The following CELF2 variants were observed in gnomAD, a reference collection of about 807,000 sequenced individuals.
CELF2 encodes the protein CUGBP Elav-like family member 2.
CELF2 carries 8 observed loss-of-function variants against 62.6 expected under a neutral mutation model. That is an observed-to-expected ratio of 0.13 (90% CI 0.07 to 0.23). The LOEUF is 0.23. CELF2 is among the 10% of genes least tolerant of loss of function. The pLI, the probability that CELF2 is intolerant of heterozygous loss-of-function variation, is 1.00. For missense variants in CELF2, 333 were observed against 671.0 expected (o/e 0.50, Z 5.56); for synonymous variants, 258 against 250.0 (o/e 1.03, Z -0.30).
intron 1 of CELF2, among the ~76,000 whole-genome samples, chr10:10,899,823 C>G (rs922133848): frequency 1.5e-4 from 23 of 152,278 alleles, no homozygotes; most frequent in Non-Finnish European, 4.4e-5. Flanking sequence ...CTCACAATAA[C>G]TCACTCACTA....
Position 10,928,960 on chromosome 10 carries a change from G to A in CELF2, c.89+8961G>A, listed in dbSNP as rs1225438781. Among the ~76,000 whole-genome samples the A allele has an allele frequency of 2.0e-5, 3 of 152,302 alleles. No individual in the cohort carries two copies. Among genetic ancestry groups the A allele is most frequent in the East Asian group, 1.9e-4 (1 of 5,184 alleles). On this transcript the variant is annotated intron_variant, in intron 2 of 13. Coordinates refer to the CELF2 transcript ENST00000636488. This position sits in a 1 kb window ranked among gnomAD's most constrained non-coding sequence, Gnocchi z 4.8. The stretch of plus-strand genomic sequence containing the variant: ...AAATGAATTAATAAGTGTTTGAATG[G>A]ATTAATAAATGTTTAAATCAATGAA...
intron 1 of CELF2, among the ~76,000 whole-genome samples, chr10:11,120,968 G>A (rs911190766): frequency 1.3e-5 from 2 of 152,266 alleles, no homozygotes; most frequent in East Asian, 1.9e-4. Context: ...ATTTGCAGAC[G>A]TGCCAAGAGC....
At chr10:10,866,649 C>T (rs1017333035) in intron 1 of CELF2, among the ~76,000 whole-genome samples, 1 of 145,260 alleles carries the variant, frequency 6.9e-6, no homozygotes, top group Non-Finnish European at 1.5e-5. Flanking sequence ...AATCAGGTTT[C>T]GTGCAGCTAA....
the CELF2 span, among the ~76,000 whole-genome samples, chr10:10,564,684 A>ACACATG: frequency 1.9e-5 from 2 of 105,614 alleles, no homozygotes; most frequent in African/African-American, 9.1e-5. Flanking sequence ...GCACACACGC[A>ACACATG]CACACACACA....
the CELF2 span, among the ~76,000 whole-genome samples, chr10:10,650,878 C>T: frequency 6.6e-6 from 1 of 152,066 alleles, no homozygotes; most frequent in African/African-American, 2.4e-5. Flanking sequence ...CCAAGATGGC[C>T]GAATAGGAAC....
chr10:10,735,285 C>T, the CELF2 span, among the ~76,000 whole-genome samples: 1 of 152,102 alleles, frequency 6.6e-6, no homozygotes, highest in Non-Finnish European at 1.5e-5. Context: ...ACTTTACAGT[C>T]AACTTTTAAG....
the CELF2 span, among the ~76,000 whole-genome samples, chr10:10,578,148 A>G: frequency 1.3e-5 from 2 of 152,174 alleles, no homozygotes; most frequent in African/African-American, 4.8e-5. Context: ...TTTTGGCTGC[A>G]TAAATGTCTT....
intron 1 of CELF2, among the ~76,000 whole-genome samples, chr10:11,094,222 G>T (rs764551990): frequency 6.6e-6 from 1 of 152,178 alleles, no homozygotes; most frequent in Non-Finnish European, 1.5e-5. Flanking sequence ...TTAACTTTAC[G>T]CTAAGTACAC....
chr10:11,063,732 A>G (rs1287340150), intron 1 of CELF2, among the ~76,000 whole-genome samples: 2 of 152,310 alleles, frequency 1.3e-5, no homozygotes, highest in South Asian at 4.1e-4. Flanking sequence ...TTTGGGTTTA[A>G]GAACTCAGTA....
intron 2 of CELF2, among the ~76,000 whole-genome samples, chr10:11,193,614 G>A (rs1047558596): frequency 1.3e-5 from 2 of 152,214 alleles, no homozygotes; most frequent in African/African-American, 4.8e-5. Context: ...TCCAGTGTGT[G>A]GGAAGGAGGA....
the CELF2 span, among the ~76,000 whole-genome samples, chr10:10,665,172 T>G: frequency 2.0e-5 from 3 of 152,096 alleles, no homozygotes; most frequent in Admixed American, 6.5e-5. Context: ...AATGTTAAAC[T>G]GAATAAAGGA....
intron 1 of CELF2, among the ~76,000 whole-genome samples, chr10:11,104,876 G>A (rs2052940162): frequency 6.6e-6 from 1 of 152,136 alleles, no homozygotes; most frequent in South Asian, 2.1e-4. Context: ...ATGTAGTTTG[G>A]CTCCATATAG....
At chr10:10,860,597 T>C (rs185305716) in intron 1 of CELF2, among the ~76,000 whole-genome samples, 2 of 152,356 alleles carry the variant, frequency 1.3e-5, no homozygotes, top group African/African-American at 4.8e-5. Flanking sequence ...TTGGTGCTGC[T>C]AAAAGGAAAA....
intron 1 of CELF2, among the ~76,000 whole-genome samples, chr10:10,804,132 T>C (rs2054956664): frequency 6.6e-6 from 1 of 152,250 alleles, no homozygotes; most frequent in Non-Finnish European, 1.5e-5. Context: ...TGGAATTTAT[T>C]CTTTCTAAAC....
chr10:11,085,340 G>A (rs920937406), intron 1 of CELF2, among the ~76,000 whole-genome samples: 1 of 152,112 alleles, frequency 6.6e-6, no homozygotes, highest in African/African-American at 2.4e-5. Context: ...CTCCTAATTT[G>A]ATGTTCACCT....
rs186793594 is a variant in CELF2 at position 11,007,017 on chromosome 10, A to C, written c.53+1577A>C. On this transcript the variant is annotated intron_variant, in intron 1 of 12. Coordinates refer to the CELF2 transcript ENST00000416382. ...AAAAGAATTGGCCCTAGACTAGTGA[A>C]TTATAATTGATTTACATGAAAATCA... 1.7e-4 allele frequency among the ~76,000 whole-genome samples: 26 copies of C among 152,364 alleles called. No individual in the cohort carries two copies. In the East Asian group the frequency reaches 5.0e-3, roughly 29 times the overall value.
At chr10:10,763,464 A>G in the CELF2 span, among the ~76,000 whole-genome samples, 1,143 of 152,308 alleles carry the variant, frequency 7.5e-3, 17 homozygotes, top group African/African-American at 0.026. Flanking sequence ...CCGGTCAGGA[A>G]AACCCACCCT....
intron 2 of CELF2, among the ~76,000 whole-genome samples, chr10:10,976,646 G>C (rs1259810322): frequency 6.6e-6 from 1 of 151,982 alleles, no homozygotes; most frequent in South Asian, 2.1e-4. Context: ...AAAATGATAC[G>C]ATGCACCTAA....
At chr10:10,791,304 T>G in the CELF2 span, among the ~76,000 whole-genome samples, 101 of 150,016 alleles carry the variant, frequency 6.7e-4, no homozygotes, top group East Asian at 4.4e-3. Context: ...TTTGTTTTCC[T>G]CTCTTTAATG....
Sources: gnomAD v4.1 joint callset for allele counts (sites outside exome capture counted in the v4.1 genomes callset) on GRCh38, gnomAD v4.1.1 for gene constraint, Gnocchi (gnomAD v3.1) non-coding constraint, MANE v1.5 for transcripts, NCBI Gene and HGNC (gene_info 2026-07-23, HGNC 2026-07-21) for gene names.